The following ENG variants were observed in gnomAD, a reference collection of about 807,000 sequenced individuals.
ENG encodes the protein endoglin, also known as CD105 antigen.
In ENG, 17 loss-of-function variants were observed where a neutral mutation model predicts 71.0. That is an observed-to-expected ratio of 0.24 (90% CI 0.16 to 0.36). ENG has a LOEUF of 0.36. Among genes scored for constraint, ENG ranks in the 10% least tolerant of loss-of-function variants. ENG has a pLI of 1.00. For synonymous variants in ENG, 360 were observed against 366.9 expected (o/e 0.98, Z 0.21); for missense variants, 749 against 868.3 (o/e 0.86, Z 1.73).
chr9:127,840,814 C>T (rs780835439), intron 2 of ENG, among the ~76,000 whole-genome samples: 3 of 152,190 alleles, frequency 2.0e-5, no homozygotes, highest in Non-Finnish European at 4.4e-5. Flanking sequence ...GTTGGAAGCT[C>T]CCTGGAGCGA....
At chr9:127,835,579 C>T (rs1024236612) in intron 2 of ENG, among the ~76,000 whole-genome samples, 2 of 152,120 alleles carry the variant, frequency 1.3e-5, no homozygotes, top group Non-Finnish European at 2.9e-5. Context: ...ACCCACAGGC[C>T]AAGCATGCTG....
chr9:127,825,558 G>A, intron 5 of ENG, 137 bp downstream of exon 5: 1 of 1,241,014 alleles, frequency 8.1e-7, no homozygotes, highest in South Asian at 1.4e-5. Flanking sequence ...AAGCGACTGT[G>A]CTCTCACAGG....
chr9:127,833,625 C>T, intron 2 of ENG, among the ~76,000 whole-genome samples: 1 of 151,940 alleles, frequency 6.6e-6, no homozygotes, highest in Admixed American at 6.6e-5. Context: ...CACAGACTCC[C>T]AGTGCTCTCA....
intron 1 of ENG, 93 bp from the exon 2 acceptor site, chr9:127,843,338 G>A: frequency 1.3e-6 from 2 of 1,540,982 alleles, no homozygotes; most frequent in Non-Finnish European, 1.8e-6. Context: ...CTTGACATGA[G>A]CTAACGGCTT....
chr9:127,829,637 G>T, intron 3 of ENG, 50 bp downstream of exon 3: 1 of 1,610,874 alleles, frequency 6.2e-7, no homozygotes, highest in Non-Finnish European at 8.5e-7. Flanking sequence ...GGACAGTAGG[G>T]ACCTCCCATG....
chr9:127,849,687 G>A (rs1415112703), intron 1 of ENG, among the ~76,000 whole-genome samples: 1 of 152,148 alleles, frequency 6.6e-6, no homozygotes, highest in East Asian at 1.9e-4. Context: ...CCGTTATGGG[G>A]ACCAGAGAAA....
chr9:127,839,433 G>C (rs186990335), intron 2 of ENG, among the ~76,000 whole-genome samples: 1 of 152,216 alleles, frequency 6.6e-6, no homozygotes, highest in Non-Finnish European at 1.5e-5. Flanking sequence ...AGCATCATGG[G>C]CTCAACCCTC....
At chr9:127,828,304 G>T (rs1830674238) in intron 3 of ENG, among the ~76,000 whole-genome samples, 1 of 152,198 alleles carries the variant, frequency 6.6e-6, no homozygotes, top group African/African-American at 2.4e-5. Flanking sequence ...TTGGGAAAGG[G>T]ATCTGATCCT....
intron 4 of ENG, among the ~76,000 whole-genome samples, chr9:127,826,221 C>T (rs953327562): frequency 2.0e-5 from 3 of 152,202 alleles, no homozygotes; most frequent in Non-Finnish European, 2.9e-5. Context: ...CTGAGTGTGT[C>T]CCCAAGTGCC....
Position 127,836,608 on chromosome 9 carries a change from C to T in ENG, c.219+6486G>A, listed in dbSNP as rs1404141184. Among the ~76,000 whole-genome samples, 1 of 152,214 alleles carries T rather than the reference C, an allele frequency of 6.6e-6. No individual in the cohort carries two copies. The highest frequency in any genetic ancestry group is 1.5e-5 in the Non-Finnish European group (1 of 68,034). On this transcript the variant is annotated intron_variant, in intron 2 of 14. Transcript: ENST00000373203. This position sits in a 1 kb window ranked among gnomAD's most constrained non-coding sequence, Gnocchi z 4.0. ...GGCAGGGGAAAGGATCAAAGCCAGA[C>T]CAACCTGAATTCAGATGGGGGCTCA...
chr9:127,851,844 C>T (rs909154630), intron 1 of ENG, among the ~76,000 whole-genome samples: 5 of 152,056 alleles, frequency 3.3e-5, no homozygotes, highest in Middle Eastern at 3.2e-3. Context: ...TGCCATTGCA[C>T]TGCAGCCTGG....
In ENG at chr9:127,836,178, C is replaced by T. The variant is rs1461843750; in HGVS notation, c.220-6351G>A. On this transcript the variant is annotated intron_variant, in intron 2 of 14. Transcript: ENST00000373203. The surrounding 1 kb of genome is among the most constrained non-coding windows in gnomAD (Gnocchi z 4.0). ...GGCCGGGGGCCCCAGAGGCAAAAAA[C>T]GATGGCGCCAGCCTTGCCCCCAACC... 6.6e-6 allele frequency among the ~76,000 whole-genome samples: 1 copy of T among 152,248 alleles called. No homozygotes were observed. Among genetic ancestry groups the T allele is most frequent in the African/African-American group, 2.4e-5 (1 of 41,466 alleles).
intron 9 of ENG, 41 bp from the exon 10 acceptor site, chr9:127,819,701 G>A (rs1161097089): frequency 2.5e-6 from 4 of 1,592,098 alleles, no homozygotes; most frequent in Non-Finnish European, 8.6e-7. Flanking sequence ...AGCCAGAAAG[G>A]ACCCCAGAGG....
intron 8 of ENG, among the ~76,000 whole-genome samples, chr9:127,823,001 C>G (rs187375960): frequency 3.5e-5 from 5 of 143,562 alleles, no homozygotes; most frequent in African/African-American, 1.3e-4. Flanking sequence ...CCACCACGTC[C>G]GGCTAATTTT....
chr9:127,825,361 C>T lies in ENG; in HGVS notation c.690-4G>A, dbSNP rs762621671. On this transcript the variant is annotated splice_polypyrimidine_tract_variant and splice_region_variant and intron_variant, in intron 5 of 14. Transcript: ENST00000373203. ...CTTCACCGTCACCGTCCGGGGCCTG[C>T]GGGGAGACAGACGCGGATGGAACAC... is the stretch of plus-strand genomic sequence containing the variant. 1.2e-5 allele frequency: 20 copies of T among 1,608,898 alleles called. No individual in the cohort carries two copies. Among genetic ancestry groups the T allele is most frequent in the Middle Eastern group, 1.7e-4 (1 of 6,012 alleles).
Position 127,816,026 on chromosome 9 carries a change from G to C in ENG, c.1769C>G (p.Pro590Arg). Residue 590 changes from proline to arginine, a missense_variant, in exon 14 of 15, where the codon CCC (proline) becomes CGC (arginine). Coordinates refer to ENST00000373203, the MANE Select transcript of ENG (RefSeq NM_001114753.3). ...ACCAAAGGTGATGCCCAGCACGGCGGGCAGGACGAGGCCTTTGCTTGTGCA... is the reference window on the plus strand; with the variant it reads ...ACCAAAGGTGATGCCCAGCACGGCGCGCAGGACGAGGCCTTTGCTTGTGCA... ...SGCTSKGLVL[P>R]AVLGITFGAF... 2 of 1,610,574 alleles carry C rather than the reference G, an allele frequency of 1.2e-6. No individual in the cohort carries two copies. The highest frequency in any genetic ancestry group is 1.7e-6 in the Non-Finnish European group (2 of 1,179,146).
rs1830698313 is a variant in ENG, at chr9:127,829,117, A to C, written c.360+570T>G. On this transcript the variant is annotated intron_variant, in intron 3 of 14. Coordinates refer to ENST00000373203, the MANE Select transcript of ENG (RefSeq NM_001114753.3). ...TGTTTGTTTTTAATTGTTTTTCCCAAATCCACAGCTGACCTGAAAACTTGA... is the reference window on the plus strand; with the variant it reads ...TGTTTGTTTTTAATTGTTTTTCCCACATCCACAGCTGACCTGAAAACTTGA... Among the ~76,000 whole-genome samples the C allele has an allele frequency of 2.0e-5, 3 of 152,270 alleles. No homozygotes were observed. In the South Asian group the frequency reaches 6.2e-4, roughly 32 times the overall value.
At chr9:127,849,902 T>C (rs1831249915) in intron 1 of ENG, among the ~76,000 whole-genome samples, 1 of 152,226 alleles carries the variant, frequency 6.6e-6, no homozygotes, top group East Asian at 1.9e-4. Flanking sequence ...AGAAAGAGTA[T>C]CTCCTTTGTA....
In ENG at chr9:127,843,109, G is replaced by T. The variant is rs1470450517; in HGVS notation, c.204C>A (p.Phe68Leu). The T allele has an allele frequency of 1.9e-6, 3 of 1,614,104 alleles. No individual in the cohort carries two copies. In the Admixed American group the frequency reaches 5.0e-5, roughly 27 times the overall value. The change falls in exon 2 of 15, where the codon TTC (phenylalanine) becomes TTA (leucine). Residue 68 changes from phenylalanine (F) to leucine (L), a missense_variant. By Grantham distance (22) the Phe-to-Leu change is conservative (BLOSUM62 0). Coordinates refer to ENST00000373203, the MANE Select transcript of ENG (RefSeq NM_001114753.3). ...GGACACTCACCGTTGGGAACTCCAG[G>T]AAGAGGACATGGACTTCAAGGATGG... ...PNAILEVHVL[F>L]LEFPTGPSQL...
Sources: gnomAD v4.1 joint callset for allele counts (sites outside exome capture counted in the v4.1 genomes callset) on GRCh38, gnomAD v4.1.1 for gene constraint, Gnocchi (gnomAD v3.1) non-coding constraint, MANE v1.5 for transcripts, NCBI Gene and HGNC (gene_info 2026-07-23, HGNC 2026-07-21) for gene names.